Variants in CADM1 observed in about 807,000 individuals in gnomAD.
CADM1 encodes the protein cell adhesion molecule 1.
In CADM1, 15 loss-of-function variants were observed where a neutral mutation model predicts 53.1. The ratio of observed to expected loss-of-function variants is 0.28; its 90% confidence interval spans 0.19 to 0.44. CADM1 has a LOEUF of 0.44. Among genes scored for constraint, CADM1 ranks in the 20% least tolerant of loss-of-function variants. CADM1 has a pLI of 1.00. For synonymous variants in CADM1, 281 were observed against 243.0 expected, an observed-to-expected ratio of 1.16 and a Z score of -1.45; for missense variants, 434 against 611.3, an observed-to-expected ratio of 0.71 and a Z score of 3.06.
chr11:115,472,344 A>T (rs1250114158), intron 1 of CADM1, among the ~76,000 whole-genome samples: 1 of 152,208 alleles, frequency 6.6e-6, no homozygotes, highest in Non-Finnish European at 1.5e-5. Flanking sequence ...AGAAAGTTGG[A>T]TCTGTGACAG....
intron 10 of CADM1, among the ~76,000 whole-genome samples, chr11:115,188,507 C>T (rs1041610656): frequency 2.0e-5 from 3 of 151,990 alleles, no homozygotes; most frequent in Non-Finnish European, 4.4e-5. Flanking sequence ...AGCACTGGTG[C>T]GTGGGGGAGG....
At chr11:115,389,014 C>G (rs1946768574) in intron 1 of CADM1, among the ~76,000 whole-genome samples, 1 of 151,968 alleles carries the variant, frequency 6.6e-6, no homozygotes, top group Non-Finnish European at 1.5e-5. Flanking sequence ...AAATCTTATT[C>G]TTCGGAAATA....
chr11:115,418,769 T>C (rs927237276), intron 1 of CADM1, among the ~76,000 whole-genome samples: 2 of 152,086 alleles, frequency 1.3e-5, no homozygotes, highest in African/African-American at 4.8e-5. Flanking sequence ...GACAATAGAA[T>C]TGAAGAGATT....
chr11:115,292,976 T>G (rs1333156646), intron 1 of CADM1, among the ~76,000 whole-genome samples: 2 of 152,218 alleles, frequency 1.3e-5, no homozygotes, highest in Admixed American at 1.3e-4. Context: ...TGAAAAAAGA[T>G]GCCACATGTT....
intron 1 of CADM1, among the ~76,000 whole-genome samples, chr11:115,346,948 A>G (rs1945594676): frequency 6.6e-6 from 1 of 152,154 alleles, no homozygotes. Context: ...TGTCAGAAGG[A>G]AAAAACAAAA....
intron 1 of CADM1, among the ~76,000 whole-genome samples, chr11:115,265,289 A>G (rs1943104211): frequency 6.6e-6 from 1 of 152,212 alleles, no homozygotes; most frequent in Admixed American, 6.5e-5. Flanking sequence ...TTTAACCTCT[A>G]AGAGAGAAGG....
At chr11:115,266,392 T>C (rs2135032297) in intron 1 of CADM1, among the ~76,000 whole-genome samples, 1 of 152,364 alleles carries the variant, frequency 6.6e-6, no homozygotes, top group Non-Finnish European at 1.5e-5. Flanking sequence ...ACTCCTGTGC[T>C]ACTGCCTGGG....
At chr11:115,377,963 T>C (rs1946480895) in intron 1 of CADM1, 1 of 152,228 alleles carries the variant, frequency 6.6e-6, no homozygotes, top group Non-Finnish European at 1.5e-5. Context: ...TGATTCATTG[T>C]ACTGTAAATA....
At chr11:115,394,985 G>C (rs1946957362) in intron 1 of CADM1, among the ~76,000 whole-genome samples, 1 of 152,108 alleles carries the variant, frequency 6.6e-6, no homozygotes, top group South Asian at 2.1e-4. Flanking sequence ...AATGAGACTT[G>C]GCATAAAGTA....
At chr11:115,186,325 G>C (rs1939546719) in intron 10 of CADM1, among the ~76,000 whole-genome samples, 1 of 152,182 alleles carries the variant, frequency 6.6e-6, no homozygotes, top group Non-Finnish European at 1.5e-5. Flanking sequence ...GGTCTTCTTT[G>C]AGGAGAAAGA....
chr11:115,410,810 C>CAGCA (rs1173835133), intron 1 of CADM1, among the ~76,000 whole-genome samples: 26 of 152,144 alleles, frequency 1.7e-4, no homozygotes, highest in African/African-American at 6.3e-4. Context: ...GGCTGGCATA[C>CAGCA]AGCAGTGTTG....
chr11:115,339,539 T>C (rs534735567), intron 1 of CADM1, among the ~76,000 whole-genome samples: 1 of 152,284 alleles, frequency 6.6e-6, no homozygotes, highest in South Asian at 2.1e-4. Flanking sequence ...AATCATAACT[T>C]CATGGAGCTT....
chr11:115,178,102 A>G (rs990449341), intron 11 of CADM1, among the ~76,000 whole-genome samples: 1 of 152,218 alleles, frequency 6.6e-6, no homozygotes, highest in Non-Finnish European at 1.5e-5. Flanking sequence ...ATTTAAATCA[A>G]TTGCACTGAT....
chr11:115,258,015 A>G (rs1317634575), intron 1 of CADM1, among the ~76,000 whole-genome samples: 1 of 152,116 alleles, frequency 6.6e-6, no homozygotes, highest in Non-Finnish European at 1.5e-5. Context: ...TCCTTTACCA[A>G]CCATCAAAGT....
chr11:115,309,451 T>A (rs1944474828), intron 1 of CADM1, among the ~76,000 whole-genome samples: 1 of 152,170 alleles, frequency 6.6e-6, no homozygotes, highest in Non-Finnish European at 1.5e-5. Context: ...TTACTGCTTT[T>A]AAAACGGTTC....
chr11:115,218,141 T>C (rs1009358825), intron 5 of CADM1, 150 bp from the exon 6 acceptor site: 1 of 672,618 alleles, frequency 1.5e-6, no homozygotes, highest in Non-Finnish European at 2.7e-6. Flanking sequence ...TTGGTAATCC[T>C]GGCATTTGCT....
At chr11:115,402,811 AG>A (rs1254442056) in intron 1 of CADM1, among the ~76,000 whole-genome samples, 1 of 152,178 alleles carries the variant, frequency 6.6e-6, no homozygotes, top group Admixed American at 6.5e-5. Context: ...AGAAGGCAAA[AG>A]GGTATAAAAC....
intron 1 of CADM1, among the ~76,000 whole-genome samples, chr11:115,372,729 A>T (rs1308688220): frequency 2.0e-5 from 3 of 152,230 alleles, no homozygotes; most frequent in Non-Finnish European, 4.4e-5. Context: ...CTAAATGTTC[A>T]GATATAGATC....
At chr11:115,438,725 A>C (rs1948239479) in intron 1 of CADM1, among the ~76,000 whole-genome samples, 2 of 152,126 alleles carry the variant, frequency 1.3e-5, no homozygotes, top group African/African-American at 4.8e-5. Context: ...TTGATCAAAA[A>C]AAAAGGTCCA....
Sources: gnomAD v4.1 joint callset for allele counts (sites outside exome capture counted in the v4.1 genomes callset) on GRCh38, gnomAD v4.1.1 for gene constraint, MANE v1.5 for transcripts, NCBI Gene and HGNC (gene_info 2026-07-23, HGNC 2026-07-21) for gene names.